The following ZDBF2 variants were observed in gnomAD, a reference collection of about 807,000 sequenced individuals.
The protein encoded by ZDBF2 is zinc finger DBF-type containing 2.
In ZDBF2, 6 loss-of-function variants were observed where a neutral mutation model predicts 9.4. That is an observed-to-expected ratio of 0.64 (90% CI 0.35 to 1.27). The LOEUF (loss-of-function observed/expected upper bound fraction) is 1.27, where lower values mean the gene tolerates loss of function less well. ZDBF2 is among the 50% of genes most tolerant of loss of function. The probability of loss-of-function intolerance (pLI) is 0.03; values close to 1 mark genes in which losing one functional copy is unlikely to be tolerated. For synonymous variants in ZDBF2, 905 were observed against 946.3 expected (o/e 0.96, Z 0.80); for missense variants, 2,697 against 2,766.8 (o/e 0.97, Z 0.57).
chr2:206,284,550 C>T (rs111913627), intron 3 of ZDBF2, among the ~76,000 whole-genome samples: 2,605 of 152,268 alleles, frequency 0.017, 53 homozygotes, highest in African/African-American at 0.044. Context: ...GAACATATTT[C>T]TCCTATCTAG....
rs1273363768 is a variant in ZDBF2, at chr2:206,274,664, A to G, written c.-385A>G. On this transcript the variant is annotated 5_prime_UTR_variant, in exon 1 of 5. Transcript: ENST00000374423. The stretch of plus-strand genomic sequence containing the variant: ...GGTTTTCGCACCTTCCCTGACGTCA[A>G]ACCTCCATCAGGGTTGCAACGCCAC... The G allele has an allele frequency of 3.3e-5, 5 of 152,182 alleles. No individual in the cohort carries two copies. Among genetic ancestry groups the G allele is most frequent in the African/African-American group, 4.8e-5 (2 of 41,456 alleles). 9.4% of individuals were successfully genotyped at this position (152,182 alleles called of 1,614,324 possible). A position where few individuals can be genotyped will look rare whatever the true frequency, so the allele number is the denominator to read the frequency against.
Position 206,308,490 on chromosome 2 carries a change from GC to G in ZDBF2, c.3963del (p.Tyr1322MetfsTer8). 1 of 1,613,452 alleles carries G rather than the reference GC, an allele frequency of 6.2e-7. No homozygotes were observed. Among genetic ancestry groups the G allele is most frequent in the Non-Finnish European group, 8.5e-7 (1 of 1,179,752 alleles). On this transcript the variant is annotated frameshift_variant, in exon 5 of 5. Coordinates refer to ENST00000374423, the MANE Select transcript of ZDBF2 (RefSeq NM_020923.3). LOFTEE classifies it low-confidence loss of function (END_TRUNC). ...REEHVCLDDK[G>X]YVPSDSEIIY... is the part of the protein sequence containing the mutation. ...GAACATGTTTGTCTGGATGATAAGG[GC>G]TATGTGCCCAGTGATTCTGAAATAA...
Position 206,311,231 on chromosome 2 carries a change from C to T in ZDBF2, c.6703C>T (p.Arg2235Cys), listed in dbSNP as rs764461495. The change falls in exon 5 of 5, where the codon CGT becomes TGT. Residue 2235 changes from arginine to cysteine, a missense_variant. By Grantham distance (180) the Arg-to-Cys change is radical. Transcript: ENST00000374423. The part of the protein sequence containing the change: ...KYISKYSVFL[R>C]HRYQSRSAFL... ...TATTTCGAAATACTCTGTCTTTTTACGTCATAGATATCAGTCCAGGAGCGC... is the reference window on the plus strand; with the variant it reads ...TATTTCGAAATACTCTGTCTTTTTATGTCATAGATATCAGTCCAGGAGCGC... 9.3e-6 allele frequency: 15 copies of T among 1,611,386 alleles called. No homozygotes were observed. Among genetic ancestry groups the T allele is most frequent in the Admixed American group, 6.7e-5 (4 of 59,530 alleles).
chr2:206,282,513 T>C (rs981733901), intron 3 of ZDBF2, among the ~76,000 whole-genome samples: 1 of 152,174 alleles, frequency 6.6e-6, no homozygotes. Context: ...GCTTCTAGTA[T>C]ACCCATTACC....
chr2:206,287,650 A>G (rs770397214), intron 3 of ZDBF2, among the ~76,000 whole-genome samples: 1 of 152,120 alleles, frequency 6.6e-6, no homozygotes, highest in South Asian at 2.1e-4. Context: ...TAGGTTTTCT[A>G]TGCCTTTCTT....
At chr2:206,293,939 A>G (rs183989198) in intron 3 of ZDBF2, among the ~76,000 whole-genome samples, 4 of 152,288 alleles carry the variant, frequency 2.6e-5, no homozygotes, top group Admixed American at 6.5e-5. Context: ...AAAGACACAT[A>G]CAAGAAGGTT....
Position 206,304,973 on chromosome 2 carries a change from T to C in ZDBF2, c.445T>C (p.Leu149=), listed in dbSNP as rs964722018. The C allele has an allele frequency of 4.3e-6, 7 of 1,613,536 alleles. No homozygotes were observed. The Admixed American group carries it at 6.7e-5, about 15-fold the overall frequency. ...ACTGGAGAAGGGACAGCAGCAGCCCTTGGAGTTTGTTCATAAAATTGGGGC... is the reference window on the plus strand; with the variant it reads ...ACTGGAGAAGGGACAGCAGCAGCCCCTGGAGTTTGTTCATAAAATTGGGGC... The part of the protein sequence containing the change: ...QKLEKGQQQP[L]EFVHKIGASV... The change falls in exon 5 of 5, where the codon TTG becomes CTG. Residue 149 remains leucine (L), a synonymous_variant. Coordinates refer to ENST00000374423, the MANE Select transcript of ZDBF2 (RefSeq NM_020923.3).
intron 1 of ZDBF2, among the ~76,000 whole-genome samples, chr2:206,277,701 C>T (rs1691095325): frequency 1.5e-5 from 2 of 132,894 alleles, no homozygotes; most frequent in Non-Finnish European, 3.1e-5. Context: ...TGTGAAAAGA[C>T]ATGTCTCGAA....
In ZDBF2 at chr2:206,305,786, C is replaced by A; in HGVS notation, c.1258C>A (p.Gln420Lys). 6.2e-7 allele frequency: 1 copy of A among 1,613,672 alleles called. No homozygotes were observed. The change falls in exon 5 of 5, where the codon CAA becomes AAA. Residue 420 changes from glutamine to lysine, a missense_variant. Physicochemically the swap from Gln to Lys is moderately conservative, Grantham distance 53. This residue lies in a region of ZDBF2 where 910 missense variants were observed against 973.6 expected (regional missense o/e 0.93). Coordinates refer to ENST00000374423, the MANE Select transcript of ZDBF2 (RefSeq NM_020923.3). ...CSSSFHSLTD[Q>K]SKVSAKEVNL... ...TTCCTCTTTTCATTCACTGACTGAC[C>A]AATCTAAAGTGAGTGCCAAAGAAGT...
At chr2:206,285,318 G>A (rs1691544617) in intron 3 of ZDBF2, among the ~76,000 whole-genome samples, 1 of 152,050 alleles carries the variant, frequency 6.6e-6, no homozygotes, top group African/African-American at 2.4e-5. Flanking sequence ...GTTATTTTTT[G>A]TCTTTTCGAT....
In ZDBF2 at chr2:206,308,048, C is replaced by T. The variant is rs747914912; in HGVS notation, c.3520C>T (p.Arg1174Ter). 1.2e-6 allele frequency: 2 copies of T among 1,613,868 alleles called. No individual in the cohort carries two copies. The highest frequency in any genetic ancestry group is 1.7e-6 in the Non-Finnish European group (2 of 1,179,840). ...TTTCTTGGGTCAGTCAATAGTCAAT[C>T]GACCTCAAATAACTATTTTGGAGCA... ...SGFLGQSIVN[R>*]PQITILEQEH... Residue 1174 changes from arginine to a stop codon, truncating the protein, a stop_gained, in exon 5 of 5, where the codon CGA becomes TGA. Transcript: ENST00000374423. LOFTEE classifies it low-confidence loss of function (END_TRUNC).
intron 3 of ZDBF2, among the ~76,000 whole-genome samples, chr2:206,288,995 C>T (rs1487849928): frequency 6.6e-6 from 1 of 152,040 alleles, no homozygotes; most frequent in Admixed American, 6.6e-5. Context: ...GACTCCATTC[C>T]CCAGGTAAAT....
intron 4 of ZDBF2, among the ~76,000 whole-genome samples, chr2:206,301,037 T>TC (rs1424363698): frequency 6.6e-6 from 1 of 152,194 alleles, no homozygotes; most frequent in South Asian, 2.1e-4. Flanking sequence ...GCTTCTTTTT[T>TC]CCCTCCCAAC....
At chr2:206,296,561 T>C (rs1190516865) in intron 3 of ZDBF2, among the ~76,000 whole-genome samples, 2 of 152,244 alleles carry the variant, frequency 1.3e-5, no homozygotes, top group Non-Finnish European at 2.9e-5. Flanking sequence ...GGTTTGGTAC[T>C]ATCCACCGTT....
chr2:206,306,322 G>T lies in ZDBF2; in HGVS notation c.1794G>T (p.Leu598=). 1 of 1,613,636 alleles carries T rather than the reference G, an allele frequency of 6.2e-7. No homozygotes were observed. The highest frequency in any genetic ancestry group is 1.1e-5 in the South Asian group (1 of 91,054). The change falls in exon 5 of 5, where the codon CTG becomes CTT. Residue 598 remains leucine, a synonymous_variant. Coordinates refer to ENST00000374423, the MANE Select transcript of ZDBF2 (RefSeq NM_020923.3). The stretch of plus-strand genomic sequence containing the variant: ...AGTCAGTAGTTGATCATCCCCAACT[G>T]ACTGTCAAAGGAAGAAACCTGAAAG... The part of the protein sequence containing the change: ...SLESVVDHPQ[L]TVKGRNLKGR...
intron 1 of ZDBF2, among the ~76,000 whole-genome samples, chr2:206,275,715 G>C (rs1406687981): frequency 6.6e-6 from 1 of 152,132 alleles, no homozygotes; most frequent in African/African-American, 2.4e-5. Flanking sequence ...GTGTGGGGAG[G>C]GGGAGGGACG....
chr2:206,301,697 T>G (rs1206198105), intron 4 of ZDBF2, among the ~76,000 whole-genome samples: 2 of 152,134 alleles, frequency 1.3e-5, no homozygotes, highest in African/African-American at 4.8e-5. Flanking sequence ...TGTTTCCCCC[T>G]TGTCTAGACA....
chr2:206,298,512 G>GT (rs1247252948), intron 4 of ZDBF2, among the ~76,000 whole-genome samples: 9 of 151,760 alleles, frequency 5.9e-5, no homozygotes, highest in Non-Finnish European at 1.0e-4. Flanking sequence ...TAAATTTCCA[G>GT]GTTTTTTTTG....
At position 206,310,736 on chromosome 2, in the gene ZDBF2, G is replaced by A. The variant is rs749706732; in HGVS notation, c.6208G>A (p.Val2070Ile). ...IVISPPLSVI[V>I]PEFERRNWVK... ...AATTAGTCCTCCCCTGAGTGTAATA[G>A]TACCAGAGTTTGAGAGGCGTAACTG... is the stretch of plus-strand genomic sequence containing the variant. The change falls in exon 5 of 5, where the codon GTA becomes ATA. Residue 2070 changes from valine (V) to isoleucine (I), a missense_variant. Coordinates refer to ENST00000374423, the MANE Select transcript of ZDBF2 (RefSeq NM_020923.3). 39 of 1,613,640 alleles carry A rather than the reference G, an allele frequency of 2.4e-5. No homozygotes were observed. Among genetic ancestry groups the A allele is most frequent in the Non-Finnish European group, 3.1e-5 (37 of 1,179,884 alleles).
Sources: allele counts gnomAD v4.1 joint callset (sites outside exome capture counted in the v4.1 genomes callset), GRCh38; gene constraint gnomAD v4.1.1; regional missense constraint gnomAD v4.1.1; transcripts MANE v1.5; gene names NCBI Gene and HGNC (gene_info 2026-07-23, HGNC 2026-07-21).